SUMF1: variants seen among roughly 807,000 people sequenced by gnomAD.
The protein encoded by SUMF1 is sulfatase modifying factor 1, also known as formylglycine-generating enzyme.
SUMF1 carries 48 observed loss-of-function variants against 47.6 expected under a neutral mutation model. The ratio of observed to expected loss-of-function variants is 1.01; its 90% CI spans 0.80 to 1.28. The LOEUF (loss-of-function observed/expected upper bound fraction) is 1.28, where lower values mean the gene tolerates loss of function less well. Among genes scored for constraint, SUMF1 ranks in the 50% most tolerant of loss-of-function variants. SUMF1 has a pLI of 0.00. For synonymous variants in SUMF1, 230 were observed against 192.1 expected (o/e 1.20, Z -1.63); for missense variants, 571 against 485.4 (o/e 1.18, Z -1.66).
chr3:4,372,822 C>T (rs926785452), intron 8 of SUMF1, among the ~76,000 whole-genome samples: 1 of 152,246 alleles, frequency 6.6e-6, no homozygotes, highest in African/African-American at 2.4e-5. Flanking sequence ...TCTTCATCTA[C>T]TGGAAAGGCT....
chr3:4,091,588 C>T (rs1421288115), intron 8 of SUMF1, among the ~76,000 whole-genome samples: 1 of 152,036 alleles, frequency 6.6e-6, no homozygotes, highest in African/African-American at 2.4e-5. Context: ...CTGTTGCAGC[C>T]TTTAAGACAA....
intron 8 of SUMF1, among the ~76,000 whole-genome samples, chr3:4,336,814 C>T (rs1699162172): frequency 6.6e-6 from 1 of 152,188 alleles, no homozygotes; most frequent in African/African-American, 2.4e-5. Context: ...ACATGTTTTT[C>T]ATTCTTGTGG....
intron 9 of SUMF1, among the ~76,000 whole-genome samples, chr3:4,067,453 G>A (rs1394002126): frequency 1.3e-5 from 2 of 152,178 alleles, no homozygotes; most frequent in Non-Finnish European, 2.9e-5. Flanking sequence ...GCTTCTAGAT[G>A]ATGTTGCACA....
intron 8 of SUMF1, among the ~76,000 whole-genome samples, chr3:4,273,117 TAC>T (rs906972791): frequency 1.3e-5 from 2 of 148,900 alleles, no homozygotes; most frequent in South Asian, 2.1e-4. Flanking sequence ...CATATATATA[TAC>T]ACACACATAT....
intron 8 of SUMF1, among the ~76,000 whole-genome samples, chr3:4,208,118 T>G (rs1306143813): frequency 6.6e-6 from 1 of 152,028 alleles, no homozygotes; most frequent in Non-Finnish European, 1.5e-5. Flanking sequence ...GAGAAACAAT[T>G]TTATTATAGC....
chr3:4,456,908 CTATA>C lies in SUMF1; in HGVS notation c.271-3863_271-3860del, dbSNP rs1191575454. Among the ~76,000 whole-genome samples, 2 of 45,592 alleles carry C rather than the reference CTATA, an allele frequency of 4.4e-5. 1 individual carries two copies. Among genetic ancestry groups the C allele is most frequent in the Non-Finnish European group, 9.3e-5 (2 of 21,560 alleles). The allele number at this position is 45,592 out of a possible 152,430, so 29.9% of individuals were successfully genotyped here. A position where few individuals can be genotyped will look rare whatever the true frequency, so the allele number is the denominator to read the frequency against. The stretch of plus-strand genomic sequence containing the variant: ...TGTGTATATATATGTGTGTGTATAT[CTATA>C]TACGTGTGTGTGTATATATATACGT... On this transcript the variant is annotated intron_variant, in intron 1 of 8. Transcript: ENST00000272902.
At chr3:4,457,530 GCATAAAAGCTAACA>G (rs1411828457) in intron 1 of SUMF1, among the ~76,000 whole-genome samples, 2 of 152,050 alleles carry the variant, frequency 1.3e-5, no homozygotes, top group African/African-American at 4.8e-5. Flanking sequence ...CATGGTACTG[GCATAAAAGCTAACA>G]CAAAAACCAA....
At chr3:4,312,812 G>A in intron 8 of SUMF1, 1 of 1,474,316 alleles carries the variant, frequency 6.8e-7, no homozygotes, top group Non-Finnish European at 9.1e-7. Flanking sequence ...GTTAGAATTA[G>A]AATGGGTCCC....
chr3:4,174,750 C>T (rs1694920415), intron 8 of SUMF1, among the ~76,000 whole-genome samples: 1 of 152,142 alleles, frequency 6.6e-6, no homozygotes, highest in Non-Finnish European at 1.5e-5. Context: ...ACCCAGGAAG[C>T]ACAAGGGGTC....
At chr3:4,458,649 A>G (rs1205136006) in intron 1 of SUMF1, among the ~76,000 whole-genome samples, 3 of 152,154 alleles carry the variant, frequency 2.0e-5, no homozygotes, top group Non-Finnish European at 4.4e-5. Flanking sequence ...AGGTCAGGAG[A>G]TCAAGACCAT....
At chr3:4,344,476 A>G (rs993620509) in intron 8 of SUMF1, among the ~76,000 whole-genome samples, 1 of 152,182 alleles carries the variant, frequency 6.6e-6, no homozygotes, top group East Asian at 1.9e-4. Context: ...ACAAGCAGAA[A>G]GTGACAACAA....
intron 7 of SUMF1, among the ~76,000 whole-genome samples, chr3:4,395,233 G>C (rs114547395): frequency 3.3e-5 from 5 of 152,030 alleles, no homozygotes; most frequent in African/African-American, 1.2e-4. Context: ...TCTCACCCCC[G>C]TGCCTAACCA....
chr3:4,106,443 T>G (rs943320322), intron 8 of SUMF1, among the ~76,000 whole-genome samples: 2 of 152,138 alleles, frequency 1.3e-5, no homozygotes, highest in African/African-American at 4.8e-5. Flanking sequence ...ATAACTGACA[T>G]TCACTAATGC....
chr3:4,163,627 A>G (rs1324161594), intron 8 of SUMF1, among the ~76,000 whole-genome samples: 2 of 151,088 alleles, frequency 1.3e-5, no homozygotes, highest in Non-Finnish European at 3.0e-5. Flanking sequence ...GCTCCTTTGT[A>G]TGAGAGGAAA....
intron 8 of SUMF1, among the ~76,000 whole-genome samples, chr3:4,251,161 G>A (rs1267147960): frequency 4.6e-5 from 7 of 152,280 alleles, no homozygotes; most frequent in Middle Eastern, 6.8e-3. Flanking sequence ...AGCACTAATA[G>A]GAGTTTGGAA....
intron 8 of SUMF1, among the ~76,000 whole-genome samples, chr3:4,271,340 A>G (rs924428514): frequency 2.6e-5 from 4 of 152,178 alleles, no homozygotes; most frequent in African/African-American, 9.7e-5. Context: ...TATGCACCAT[A>G]TATTTTTACC....
intron 8 of SUMF1, among the ~76,000 whole-genome samples, chr3:4,329,924 A>G (rs959216690): frequency 1.3e-5 from 2 of 152,166 alleles, no homozygotes; most frequent in African/African-American, 2.4e-5. Context: ...AACACTTTGT[A>G]TTTCTTAGAA....
At chr3:4,302,312 C>T (rs1237177908) in intron 8 of SUMF1, among the ~76,000 whole-genome samples, 4 of 151,984 alleles carry the variant, frequency 2.6e-5, no homozygotes, top group South Asian at 2.1e-4. Flanking sequence ...CAACGAGAAG[C>T]GGGTGAGGGG....
At chr3:4,222,375 G>A (rs187892091) in intron 8 of SUMF1, among the ~76,000 whole-genome samples, 138 of 152,042 alleles carry the variant, frequency 9.1e-4, no homozygotes, top group Admixed American at 2.8e-3. Flanking sequence ...CACAAGATAC[G>A]GTTCTCATCA....
Sources: allele counts gnomAD v4.1 joint callset (sites outside exome capture counted in the v4.1 genomes callset), GRCh38; gene constraint gnomAD v4.1.1; transcripts MANE v1.5; gene names NCBI Gene and HGNC (gene_info 2026-07-23, HGNC 2026-07-21).